Variants in LOC400499 observed in about 807,000 individuals in gnomAD.
At chr16:11,429,788 T>TAA in the LOC400499 span, among the ~76,000 whole-genome samples, 59 of 143,014 alleles carry the variant, frequency 4.1e-4, no homozygotes, top group African/African-American at 1.3e-3. Context: ...AGCAATAAAT[T>TAA]TAAAAAAAAA....
chr16:11,470,979 G>T, the LOC400499 span, among the ~76,000 whole-genome samples: 2 of 152,374 alleles, frequency 1.3e-5, no homozygotes, highest in South Asian at 2.1e-4. Flanking sequence ...TGTCTTCAGG[G>T]CAGTGAGTCT....
chr16:11,492,377 A>G, the LOC400499 span, among the ~76,000 whole-genome samples: 1 of 151,662 alleles, frequency 6.6e-6, no homozygotes, highest in East Asian at 1.9e-4. Flanking sequence ...CTATGCACTC[A>G]GCACTGTGCT....
At chr16:11,394,687 G>C in the LOC400499 span, among the ~76,000 whole-genome samples, 1 of 152,244 alleles carries the variant, frequency 6.6e-6, no homozygotes. Context: ...TGCTGTCCCT[G>C]TGAGAAGACC....
At chr16:11,408,153 T>TTC in the LOC400499 span, among the ~76,000 whole-genome samples, 1 of 151,368 alleles carries the variant, frequency 6.6e-6, no homozygotes, top group African/African-American at 2.5e-5. Flanking sequence ...CAACTAATTT[T>TTC]TGTATTTTTA....
At chr16:11,527,016 G>T in the LOC400499 span, among the ~76,000 whole-genome samples, 1 of 152,220 alleles carries the variant, frequency 6.6e-6, no homozygotes, top group Non-Finnish European at 1.5e-5. Context: ...AGGTCAACAG[G>T]CATCTGGCTA....
chr16:11,505,535 C>T, the LOC400499 span, among the ~76,000 whole-genome samples: 1 of 143,016 alleles, frequency 7.0e-6, no homozygotes, highest in Non-Finnish European at 1.5e-5. Flanking sequence ...CTCACTGTAG[C>T]CTTAACCTCC....
chr16:11,452,426 G>A, the LOC400499 span, among the ~76,000 whole-genome samples: 1 of 152,152 alleles, frequency 6.6e-6, no homozygotes, highest in Admixed American at 6.5e-5. Flanking sequence ...TGGAGGAAAG[G>A]CAGGAAACAG....
the LOC400499 span, among the ~76,000 whole-genome samples, chr16:11,434,838 C>T: frequency 6.6e-6 from 1 of 152,194 alleles, no homozygotes; most frequent in Admixed American, 6.5e-5. Context: ...AAGTGGTCAC[C>T]CCTGGACCCT....
At chr16:11,375,935 G>A in the LOC400499 span, among the ~76,000 whole-genome samples, 1 of 151,926 alleles carries the variant, frequency 6.6e-6, no homozygotes, top group Non-Finnish European at 1.5e-5. Context: ...GAAACCCCAT[G>A]GAGAACATGT....
the LOC400499 span, chr16:11,460,900 C>T: frequency 1.4e-6 from 2 of 1,460,994 alleles, no homozygotes; most frequent in Non-Finnish European, 1.8e-6. Context: ...GAGCCACAGC[C>T]CTAGGAAACA....
chr16:11,468,174 C>A, the LOC400499 span, among the ~76,000 whole-genome samples: 4 of 152,234 alleles, frequency 2.6e-5, no homozygotes, highest in Middle Eastern at 3.4e-3. Flanking sequence ...ACTGTGAGAA[C>A]AAATTCCTAT....
the LOC400499 span, among the ~76,000 whole-genome samples, chr16:11,515,730 G>GGGA: frequency 6.7e-6 from 1 of 149,004 alleles, no homozygotes; most frequent in East Asian, 2.0e-4. Context: ...AGGAGGAAAA[G>GGGA]GGAGGAGGAG....
At chr16:11,387,130 C>T in the LOC400499 span, 1 of 1,232,334 alleles carries the variant, frequency 8.1e-7, no homozygotes, top group African/African-American at 1.5e-5. Context: ...GGCCCGCCAG[C>T]AGGCGGCGTC....
the LOC400499 span, among the ~76,000 whole-genome samples, chr16:11,397,634 T>TTCACAAGACAGCTG: frequency 2.6e-5 from 4 of 152,082 alleles, no homozygotes; most frequent in African/African-American, 4.8e-5. Flanking sequence ...TATAGCTGCT[T>TTCACAAGACAGCTG]TCACAAGACA....
chr16:11,512,519 G>A, the LOC400499 span, among the ~76,000 whole-genome samples: 4 of 151,608 alleles, frequency 2.6e-5, no homozygotes, highest in Non-Finnish European at 2.9e-5. Context: ...GGAGCACTGC[G>A]TGAACCTGGG....
At chr16:11,469,019 T>G in the LOC400499 span, among the ~76,000 whole-genome samples, 1 of 152,328 alleles carries the variant, frequency 6.6e-6, no homozygotes, top group South Asian at 2.1e-4. Context: ...TGTTTATACA[T>G]TTCTGGGTAA....
At chr16:11,398,688 C>G in the LOC400499 span, among the ~76,000 whole-genome samples, 1 of 150,882 alleles carries the variant, frequency 6.6e-6, no homozygotes, top group Non-Finnish European at 1.5e-5. Flanking sequence ...TTGAGACACT[C>G]TTGCTCTATA....
At chr16:11,454,378 G>T in the LOC400499 span, among the ~76,000 whole-genome samples, 2 of 152,106 alleles carry the variant, frequency 1.3e-5, no homozygotes, top group Non-Finnish European at 2.9e-5. Context: ...CTGAAAATGG[G>T]GTCATTGCAG....
chr16:11,422,520 C>T, the LOC400499 span, among the ~76,000 whole-genome samples: 4 of 151,894 alleles, frequency 2.6e-5, no homozygotes, highest in Non-Finnish European at 5.9e-5. Flanking sequence ...GCAGCAGCTG[C>T]GATCACTGCC....
Sources: gnomAD v4.1 joint callset for allele counts (sites outside exome capture counted in the v4.1 genomes callset) on GRCh38, gnomAD v4.1.1 for gene constraint, MANE v1.5 for transcripts.